Variants in NR2C2 observed in about 807,000 individuals in gnomAD.
NR2C2 encodes nuclear receptor subfamily 2 group C member 2, also known as Nuclear hormone receptor TR4.
Under a neutral mutation model 62.9 loss-of-function variants are expected in NR2C2, and 6 were observed. The ratio of observed to expected loss-of-function variants is 0.10; its 90% CI spans 0.05 to 0.19. The LOEUF (loss-of-function observed/expected upper bound fraction) is 0.19, where lower values mean the gene tolerates loss of function less well. Among genes scored for constraint, NR2C2 ranks in the 10% least tolerant of loss-of-function variants. The pLI is 1.00. For synonymous variants in NR2C2, 272 were observed against 273.8 expected (o/e 0.99, Z 0.07); for missense variants, 479 against 762.7 (o/e 0.63, Z 4.38).
intron 1 of NR2C2, among the ~76,000 whole-genome samples, chr3:14,955,118 A>C (rs1184878141): frequency 1.3e-5 from 2 of 152,218 alleles, no homozygotes; most frequent in African/African-American, 4.8e-5. Flanking sequence ...GGCAGGAGCC[A>C]CCGAGCCTGG....
chr3:15,005,082 T>G (rs2041129494), intron 2 of NR2C2, among the ~76,000 whole-genome samples: 1 of 152,054 alleles, frequency 6.6e-6, no homozygotes. Context: ...CCATTTCCCT[T>G]TATGTTTATT....
intron 1 of NR2C2, among the ~76,000 whole-genome samples, chr3:14,956,821 A>C (rs2039539469): frequency 6.6e-6 from 1 of 152,250 alleles, no homozygotes; most frequent in African/African-American, 2.4e-5. Flanking sequence ...GATTACAGGC[A>C]TGAGCCACCG....
At chr3:14,999,086 G>C (rs1011176355) in intron 1 of NR2C2, among the ~76,000 whole-genome samples, 2 of 152,202 alleles carry the variant, frequency 1.3e-5, no homozygotes, top group Admixed American at 1.3e-4. Context: ...GGAGGCCCAG[G>C]CGGGTGGATC....
At chr3:14,983,492 C>CACAT (rs56026681) in intron 1 of NR2C2, among the ~76,000 whole-genome samples, 1 of 130,564 alleles carries the variant, frequency 7.7e-6, no homozygotes, top group Non-Finnish European at 1.8e-5. Flanking sequence ...CACACACACA[C>CACAT]ACATTCTTAG....
In NR2C2 at chr3:15,007,128, C is replaced by CT. The variant is rs1189765777; in HGVS notation, c.72+3159dup. Among the ~76,000 whole-genome samples, 791 of 134,696 alleles carry CT rather than the reference C, an allele frequency of 5.9e-3. 8 individuals carry two copies. Among genetic ancestry groups the CT allele is most frequent in the Admixed American group, 0.012 (159 of 13,228 alleles). The allele number at this position is 134,696 out of a possible 152,430, so 88.4% of individuals were successfully genotyped here. ...GTCACAGAGGTTTTCCCTGACCTCT[C>CT]TTTTTTTTTTTTTTTTTGAGGCGGA... On this transcript the variant is annotated intron_variant, in intron 2 of 13. Coordinates refer to ENST00000425241, the MANE Select transcript of NR2C2 (RefSeq NM_001291694.2).
At chr3:14,973,524 G>A (rs556784541) in intron 1 of NR2C2, among the ~76,000 whole-genome samples, 4 of 152,216 alleles carry the variant, frequency 2.6e-5, no homozygotes, top group Non-Finnish European at 4.4e-5. Flanking sequence ...ATGAGCCACC[G>A]TGCATGTCTC....
At chr3:14,982,397 C>A (rs1334354945) in intron 1 of NR2C2, among the ~76,000 whole-genome samples, 1 of 152,172 alleles carries the variant, frequency 6.6e-6, no homozygotes, top group Non-Finnish European at 1.5e-5. Flanking sequence ...TGACTGCTGA[C>A]TTTTCAGAGT....
intron 1 of NR2C2, among the ~76,000 whole-genome samples, chr3:14,963,377 C>G (rs2039743064): frequency 6.6e-6 from 1 of 152,340 alleles, no homozygotes; most frequent in East Asian, 1.9e-4. Flanking sequence ...GGACAAGATG[C>G]TGACGCAGGT....
At position 15,048,385 on chromosome 3, in the gene NR2C2, T is replaced by C. The variant is rs2125125784; in HGVS notation, c.*5377T>C. ...AAGTTTCCTTTGGGGCTATTTAGCTTAACAGCAGTCTACAAATAATTAAAG... is the reference window on the plus strand; with the variant it reads ...AAGTTTCCTTTGGGGCTATTTAGCTCAACAGCAGTCTACAAATAATTAAAG... On this transcript the variant is annotated 3_prime_UTR_variant, in exon 14 of 14. Coordinates refer to ENST00000425241, the MANE Select transcript of NR2C2 (RefSeq NM_001291694.2). 1 of 152,764 alleles carries C rather than the reference T, an allele frequency of 6.5e-6. No individual in the cohort carries two copies. The highest frequency in any genetic ancestry group is 2.1e-4 in the South Asian group (1 of 4,820). 9.5% of individuals were successfully genotyped at this position (152,764 alleles called of 1,614,324 possible).
At chr3:14,983,032 A>G (rs2040417433) in intron 1 of NR2C2, among the ~76,000 whole-genome samples, 1 of 152,212 alleles carries the variant, frequency 6.6e-6, no homozygotes, top group South Asian at 2.1e-4. Flanking sequence ...ATTTTGGTAC[A>G]AGTATACAAT....
At chr3:15,025,183 G>A (rs2041789416) in intron 7 of NR2C2, among the ~76,000 whole-genome samples, 1 of 152,216 alleles carries the variant, frequency 6.6e-6, no homozygotes, top group African/African-American at 2.4e-5. Context: ...GAAAGCGTAA[G>A]CCTGAAAGTA....
At chr3:14,995,396 C>T (rs1053190037) in intron 1 of NR2C2, among the ~76,000 whole-genome samples, 8 of 149,662 alleles carry the variant, frequency 5.3e-5, no homozygotes, top group African/African-American at 1.2e-4. Flanking sequence ...TACTTTCTAT[C>T]TTTATATTTG....
intron 2 of NR2C2, chr3:15,004,487 AT>A: frequency 7.2e-7 from 1 of 1,395,148 alleles, no homozygotes; most frequent in South Asian, 1.5e-5. Flanking sequence ...TTTACTAATT[AT>A]ATAATAACTT....
chr3:14,965,522 CAAAAAAAAAAA>C (rs545143806), intron 1 of NR2C2, among the ~76,000 whole-genome samples: 10,577 of 80,106 alleles, frequency 0.13, 489 homozygotes, highest in Middle Eastern at 0.26. Flanking sequence ...TTTCCCATGG[CAAAAAAAAAAA>C]AAAAAAAAAA....
At position 15,044,158 on chromosome 3, in the gene NR2C2, T is replaced by C. The variant is rs887868273; in HGVS notation, c.*1150T>C. On this transcript the variant is annotated 3_prime_UTR_variant, in exon 14 of 14. Coordinates refer to ENST00000425241, the MANE Select transcript of NR2C2 (RefSeq NM_001291694.2). ...GGCTGGGCAGGAGCCTGCTGCCGCC[T>C]GGCGAGAGTGGTTAGGGCCTGGTAA... 6.6e-6 allele frequency: 1 copy of C among 152,266 alleles called. No homozygotes were observed. The highest frequency in any genetic ancestry group is 1.5e-5 in the Non-Finnish European group (1 of 68,102). The allele number at this position is 152,266 out of a possible 1,614,324, so 9.4% of individuals were successfully genotyped here.
At chr3:15,038,689 G>A in intron 12 of NR2C2, 1 of 170,186 alleles carries the variant, frequency 5.9e-6, no homozygotes, top group South Asian at 1.5e-4. Context: ...CTCACAGTAA[G>A]GGGTTGGACA....
Position 14,989,415 on chromosome 3 carries a change from C to G in NR2C2, c.-39-14461C>G, listed in dbSNP as rs538441897. ...GTTAAATGAGCCCAGTTTTGTTGTT[C>G]TTGTGGGTCTTTTCTATGTAACACA... On this transcript the variant is annotated intron_variant, in intron 1 of 13. Transcript: ENST00000425241. 2.0e-5 allele frequency among the ~76,000 whole-genome samples: 3 copies of G among 152,222 alleles called. No individual in the cohort carries two copies. In the South Asian group the frequency reaches 6.2e-4, roughly 32 times the overall value.
chr3:14,987,182 A>C (rs890576503), intron 1 of NR2C2, among the ~76,000 whole-genome samples: 1 of 152,174 alleles, frequency 6.6e-6, no homozygotes, highest in African/African-American at 2.4e-5. Flanking sequence ...TCCTGGGCTC[A>C]AGCAATCCTC....
intron 2 of NR2C2, among the ~76,000 whole-genome samples, chr3:15,012,437 G>A (rs898416669): frequency 1.5e-4 from 23 of 152,210 alleles, no homozygotes; most frequent in African/African-American, 5.3e-4. Context: ...TGTTGACCAG[G>A]CTGGTCTTGA....
Sources: gnomAD v4.1 joint callset for allele counts (sites outside exome capture counted in the v4.1 genomes callset) on GRCh38, gnomAD v4.1.1 for gene constraint, MANE v1.5 for transcripts, NCBI Gene and HGNC (gene_info 2026-07-23, HGNC 2026-07-21) for gene names.